The following USH2A variants were observed in gnomAD, a reference collection of about 807,000 sequenced individuals.
The protein encoded by USH2A is usherin.
In USH2A, 443 loss-of-function variants were observed where a neutral mutation model predicts 538.9. The observed-to-expected ratio is 0.82, with a 90% CI of 0.76 to 0.89. USH2A has a LOEUF of 0.89. Among genes scored for constraint, USH2A ranks in the 40% least tolerant of loss-of-function variants. The pLI is 0.00. For synonymous variants in USH2A, 2,413 were observed against 2,273.5 expected, an observed-to-expected ratio of 1.06 and a Z score of -1.75; for missense variants, 6,633 against 6,324.8, an observed-to-expected ratio of 1.05 and a Z score of -1.65.
At chr1:215,722,457 A>G (rs1306008775) in intron 61 of USH2A, among the ~76,000 whole-genome samples, 1 of 152,240 alleles carries the variant, frequency 6.6e-6, no homozygotes, top group East Asian at 1.9e-4. Flanking sequence ...TTAAAAATAA[A>G]TTTATCAATT....
At position 215,818,638 on chromosome 1, in the gene USH2A, T is replaced by C. The variant is rs868322917; in HGVS notation, c.9372-1443A>G. Among the ~76,000 whole-genome samples, 21 of 151,990 alleles carry C rather than the reference T, an allele frequency of 1.4e-4. No homozygotes were observed. The Middle Eastern group carries it at 0.01, about 74-fold the overall frequency. On this transcript the variant is annotated intron_variant, in intron 47 of 71. Transcript: ENST00000307340. Reference sequence around the variant, plus strand: ...AACATCTGATCAAAACTTTACTGCATTTTCAATGATCTATTAATATTTCAT... The same window carrying C: ...AACATCTGATCAAAACTTTACTGCACTTTCAATGATCTATTAATATTTCAT...
At chr1:215,640,407 A>C (rs1571923460) in intron 68 of USH2A, 151 bp downstream of exon 68, 1 of 985,022 alleles carries the variant, frequency 1.0e-6, no homozygotes, top group East Asian at 2.6e-5. Flanking sequence ...AACCTTATTT[A>C]TCCTGAGCAG....
chr1:216,356,460 C>T (rs1169164527), intron 4 of USH2A, among the ~76,000 whole-genome samples: 1 of 151,974 alleles, frequency 6.6e-6, no homozygotes, highest in Non-Finnish European at 1.5e-5. Context: ...TTTGCAATCC[C>T]ACTCATAGAG....
intron 47 of USH2A, among the ~76,000 whole-genome samples, chr1:215,837,215 T>C (rs1182388782): frequency 1.3e-5 from 2 of 152,144 alleles, no homozygotes; most frequent in African/African-American, 4.8e-5. Context: ...TCCTTCAGAA[T>C]TGAAACATTA....
intron 12 of USH2A, among the ~76,000 whole-genome samples, chr1:216,249,768 T>C (rs1267547138): frequency 6.6e-6 from 1 of 152,008 alleles, no homozygotes; most frequent in Admixed American, 6.6e-5. Flanking sequence ...TACACTTACA[T>C]AAATAAAAGA....
rs1234273599 is a variant in USH2A at position 215,674,628 on chromosome 1, C to A, written c.13283G>T (p.Gly4428Val). ...NFSLVACTNG[G>V]CTASVSKSAW... is the part of the protein sequence containing the mutation. The stretch of plus-strand genomic sequence containing the variant: ...AGATTTTGACACACTAGCTGTGCAA[C>A]CTCCATTCGTGCAGGCTACAAGGGA... Residue 4428 changes from glycine to valine, a missense_variant, in exon 63 of 72, where the codon GGT (glycine) becomes GTT (valine). By Grantham distance (109) the Gly-to-Val change is moderately radical. Coordinates refer to ENST00000307340, the MANE Select transcript of USH2A (RefSeq NM_206933.4). 2 of 1,614,138 alleles carry A rather than the reference C, an allele frequency of 1.2e-6. No individual in the cohort carries two copies. Among genetic ancestry groups the A allele is most frequent in the South Asian group, 1.1e-5 (1 of 91,078 alleles).
intron 69 of USH2A, 138 bp downstream of exon 69, chr1:215,639,017 T>C: frequency 1.3e-6 from 1 of 787,716 alleles, no homozygotes; most frequent in Non-Finnish European, 2.1e-6. Context: ...AAAAAAAAAC[T>C]CTGACAACAC....
chr1:215,654,271 T>G (rs565495627), intron 64 of USH2A, among the ~76,000 whole-genome samples: 1 of 152,172 alleles, frequency 6.6e-6, no homozygotes, highest in East Asian at 1.9e-4. Flanking sequence ...GCTGCACCCA[T>G]GAACTCATCA....
intron 30 of USH2A, among the ~76,000 whole-genome samples, chr1:216,053,511 CG>C (rs1159797600): frequency 6.8e-6 from 1 of 146,164 alleles, no homozygotes; most frequent in African/African-American, 2.6e-5. Flanking sequence ...CAGATGACCT[CG>C]CAAACTGCCT....
At chr1:215,995,466 T>C (rs1439527203) in intron 34 of USH2A, among the ~76,000 whole-genome samples, 1 of 152,222 alleles carries the variant, frequency 6.6e-6, no homozygotes, top group East Asian at 1.9e-4. Context: ...ATTATCTTAG[T>C]TCCTTTGATG....
intron 21 of USH2A, among the ~76,000 whole-genome samples, chr1:216,169,407 A>T (rs1271704295): frequency 6.6e-6 from 1 of 152,160 alleles, no homozygotes; most frequent in East Asian, 1.9e-4. Flanking sequence ...GTTAAAACAC[A>T]TGCATTCTTA....
In USH2A at chr1:215,934,806, A is replaced by C. The variant is rs925991563; in HGVS notation, c.7121-11T>G. The C allele has an allele frequency of 6.3e-7, 1 of 1,598,796 alleles. No individual in the cohort carries two copies. Among genetic ancestry groups the C allele is most frequent in the Non-Finnish European group, 8.5e-7 (1 of 1,170,512 alleles). ...TGTAGTTATTACCTACTGATTAAAA[A>C]AGAAAATTATTAAAATAAATACATA... On this transcript the variant is annotated splice_polypyrimidine_tract_variant and intron_variant, in intron 37 of 71. Coordinates refer to ENST00000307340, the MANE Select transcript of USH2A (RefSeq NM_206933.4).
chr1:215,767,353 G>A (rs1036496959), intron 55 of USH2A, among the ~76,000 whole-genome samples: 13 of 151,944 alleles, frequency 8.6e-5, no homozygotes, highest in African/African-American at 2.4e-4. Flanking sequence ...ATATAAATAC[G>A]GGCAGGAAAA....
At chr1:216,132,347 C>G (rs2033393527) in intron 21 of USH2A, among the ~76,000 whole-genome samples, 1 of 152,014 alleles carries the variant, frequency 6.6e-6, no homozygotes, top group African/African-American at 2.4e-5. Context: ...AGAAATATGT[C>G]ATGCATTTTT....
intron 61 of USH2A, among the ~76,000 whole-genome samples, chr1:215,725,089 G>T (rs1333186772): frequency 6.6e-5 from 10 of 152,036 alleles, no homozygotes; most frequent in Admixed American, 6.6e-4. Flanking sequence ...GTTGGAGTGT[G>T]GTGGCATGAT....
chr1:216,347,330 A>G (rs1236272366), intron 4 of USH2A, among the ~76,000 whole-genome samples: 1 of 152,056 alleles, frequency 6.6e-6, no homozygotes, highest in South Asian at 2.1e-4. Flanking sequence ...AATATTTTTG[A>G]GTTATTATTT....
chr1:215,673,390 G>A (rs1427541054), intron 63 of USH2A, among the ~76,000 whole-genome samples: 1 of 152,084 alleles, frequency 6.6e-6, no homozygotes, highest in East Asian at 1.9e-4. Flanking sequence ...AGCATAAAAT[G>A]TCTCTTATTA....
In USH2A at chr1:215,741,410, T is replaced by C. The variant is rs751029279; in HGVS notation, c.11676A>G (p.Lys3892=). Residue 3892 remains lysine, a synonymous_variant, in exon 60 of 72, where the codon AAA becomes AAG. Coordinates refer to ENST00000307340, the MANE Select transcript of USH2A (RefSeq NM_206933.4). ...AGTAGTTGATGATGATTCCATTTGG[T>C]TTTTCAGGTGGCATCCACTTAATCT... ...CIEIKWMPPE[K]PNGIIINYFI... is the part of the protein sequence containing the mutation. The C allele has an allele frequency of 6.2e-7, 1 of 1,613,976 alleles. No homozygotes were observed. Among genetic ancestry groups the C allele is most frequent in the East Asian group, 2.2e-5 (1 of 44,850 alleles).
Position 215,888,940 on chromosome 1 carries a change from A to G in USH2A, c.7709T>C (p.Leu2570Pro). The change falls in exon 41 of 72, where the codon CTA becomes CCA. Residue 2570 changes from leucine (L) to proline (P), a missense_variant. Leu to Pro is a moderately conservative substitution (Grantham distance 98). Transcript: ENST00000307340. The part of the protein sequence containing the change: ...NGVITHYNIY[L>P]HGRLYLRTPG... ...AGTTCTCAAGTATAGACGGCCATGTAGATAAATGTTATAATGGGTAATAAC... is the reference window on the plus strand; with the variant it reads ...AGTTCTCAAGTATAGACGGCCATGTGGATAAATGTTATAATGGGTAATAAC... The G allele has an allele frequency of 2.5e-6, 4 of 1,614,196 alleles. No homozygotes were observed. The highest frequency in any genetic ancestry group is 3.4e-6 in the Non-Finnish European group (4 of 1,180,022).
Sources: gnomAD v4.1 joint callset for allele counts (sites outside exome capture counted in the v4.1 genomes callset) on GRCh38, gnomAD v4.1.1 for gene constraint, MANE v1.5 for transcripts, NCBI Gene and HGNC (gene_info 2026-07-23, HGNC 2026-07-21) for gene names.